EPHA3: variants seen among roughly 807,000 people sequenced by gnomAD.
EPHA3 encodes the protein EPH receptor A3, also known as ephrin type-A receptor 3.
Under a neutral mutation model 107.1 loss-of-function variants are expected in EPHA3, and 42 were observed. The observed-to-expected ratio is 0.39, with a 90% CI of 0.31 to 0.51. The LOEUF (loss-of-function observed/expected upper bound fraction) is 0.51, where lower values mean the gene tolerates loss of function less well. Ranked by LOEUF, EPHA3 falls within the 20% of genes least tolerant of loss-of-function variation. EPHA3 has a pLI of 0.78. For synonymous variants in EPHA3, 461 were observed against 424.8 expected (o/e 1.09, Z -1.05); for missense variants, 1,183 against 1,211.2 (o/e 0.98, Z 0.35).
At chr3:89,347,557 C>G (rs1707700064) in intron 5 of EPHA3, among the ~76,000 whole-genome samples, 1 of 149,168 alleles carries the variant, frequency 6.7e-6, no homozygotes, top group African/African-American at 2.5e-5. Flanking sequence ...ATGTAGTCTG[C>G]AAACAGGGAC....
intron 3 of EPHA3, among the ~76,000 whole-genome samples, chr3:89,301,700 T>C (rs1302307450): frequency 6.6e-6 from 1 of 152,100 alleles, no homozygotes; most frequent in Non-Finnish European, 1.5e-5. Flanking sequence ...GGATACTTAT[T>C]TGGAGTTGCA....
chr3:89,142,865 A>T (rs1182762088), intron 2 of EPHA3, among the ~76,000 whole-genome samples: 1 of 151,420 alleles, frequency 6.6e-6, no homozygotes, highest in African/African-American at 2.4e-5. Context: ...TGCCTTTTCA[A>T]AAAAGAGCAT....
chr3:89,330,251 T>A (rs1707256604), intron 3 of EPHA3, among the ~76,000 whole-genome samples: 1 of 151,946 alleles, frequency 6.6e-6, no homozygotes, highest in African/African-American at 2.4e-5. Flanking sequence ...AAACAGACCC[T>A]AAAATTACAC....
intron 9 of EPHA3, among the ~76,000 whole-genome samples, chr3:89,411,659 G>GT (rs1352104515): frequency 6.6e-6 from 1 of 151,704 alleles, no homozygotes; most frequent in Admixed American, 6.6e-5. Context: ...ATAACCATGG[G>GT]TTTCATGAAG....
intron 2 of EPHA3, among the ~76,000 whole-genome samples, chr3:89,148,768 G>T (rs371518141): frequency 5.9e-5 from 9 of 151,890 alleles, no homozygotes; most frequent in African/African-American, 1.9e-4. Flanking sequence ...GAAACAACTG[G>T]TGAATGCATC....
intron 5 of EPHA3, among the ~76,000 whole-genome samples, chr3:89,391,973 G>T (rs959344438): frequency 2.0e-5 from 3 of 151,694 alleles, no homozygotes; most frequent in African/African-American, 7.3e-5. Flanking sequence ...ACCTTTATAC[G>T]GTTTTAAATT....
intron 5 of EPHA3, among the ~76,000 whole-genome samples, chr3:89,347,920 T>C (rs1025626992): frequency 6.6e-6 from 1 of 151,348 alleles, no homozygotes; most frequent in African/African-American, 2.4e-5. Context: ...ATTACATTTA[T>C]TGATTTGTGT....
intron 5 of EPHA3, among the ~76,000 whole-genome samples, chr3:89,351,003 A>G (rs1490802655): frequency 6.6e-6 from 1 of 151,534 alleles, no homozygotes; most frequent in African/African-American, 2.4e-5. Flanking sequence ...TGTTGGGAGA[A>G]CCACTGCTCT....
At chr3:89,335,641 A>G (rs1707376497) in intron 3 of EPHA3, among the ~76,000 whole-genome samples, 1 of 152,174 alleles carries the variant, frequency 6.6e-6, no homozygotes, top group South Asian at 2.1e-4. Flanking sequence ...CTCATGGATC[A>G]TCTTACTTGA....
chr3:89,114,809 G>A (rs1304939645), intron 1 of EPHA3, among the ~76,000 whole-genome samples: 3 of 152,258 alleles, frequency 2.0e-5, no homozygotes, highest in Non-Finnish European at 4.4e-5. Flanking sequence ...GGCACTGGGA[G>A]AGCACGGCGT....
intron 3 of EPHA3, among the ~76,000 whole-genome samples, chr3:89,224,678 A>C (rs1296648413): frequency 6.6e-6 from 1 of 151,796 alleles, no homozygotes; most frequent in Non-Finnish European, 1.5e-5. Context: ...GTGAAACACT[A>C]TCTCTACTAA....
At chr3:89,438,328 G>T (rs1434340660) in intron 13 of EPHA3, among the ~76,000 whole-genome samples, 9 of 151,924 alleles carry the variant, frequency 5.9e-5, no homozygotes, top group Non-Finnish European at 1.0e-4. Context: ...AGCCAGGATG[G>T]TCTCGATCTC....
chr3:89,364,966 G>A lies in EPHA3; in HGVS notation c.1306+22876G>A, dbSNP rs1708160476. Among the ~76,000 whole-genome samples the A allele has an allele frequency of 2.0e-5, 3 of 150,844 alleles. No individual in the cohort carries two copies. In the South Asian group the frequency reaches 6.2e-4, roughly 31 times the overall value. On this transcript the variant is annotated intron_variant, in intron 5 of 16. Coordinates refer to ENST00000336596, the MANE Select transcript of EPHA3 (RefSeq NM_005233.6). ...CAACTTAATTCCAACAATATTTGTT[G>A]CATACTGTTATGTGACCAACACTGT... is the stretch of plus-strand genomic sequence containing the variant.
intron 3 of EPHA3, among the ~76,000 whole-genome samples, chr3:89,278,421 T>G (rs1424523192): frequency 6.6e-6 from 1 of 152,038 alleles, no homozygotes; most frequent in Non-Finnish European, 1.5e-5. Context: ...CTAACTTCAT[T>G]AAATGAAAAC....
intron 3 of EPHA3, among the ~76,000 whole-genome samples, chr3:89,285,519 T>C (rs1706061667): frequency 6.6e-6 from 1 of 152,212 alleles, no homozygotes; most frequent in Non-Finnish European, 1.5e-5. Context: ...GGTTTGGGGA[T>C]GCAATTTTAA....
chr3:89,237,981 GAAA>G (rs1189913937), intron 3 of EPHA3, among the ~76,000 whole-genome samples: 3 of 110,298 alleles, frequency 2.7e-5, no homozygotes, highest in Admixed American at 9.5e-5. Context: ...CATGTCTCAG[GAAA>G]AAAAAAAAAA....
intron 2 of EPHA3, among the ~76,000 whole-genome samples, chr3:89,189,486 G>A (rs537206149): frequency 6.6e-6 from 1 of 152,254 alleles, no homozygotes; most frequent in Non-Finnish European, 1.5e-5. Flanking sequence ...CCATCTACTT[G>A]GGAGGCTGAG....
Position 89,480,415 on chromosome 3 carries a change from T to G in EPHA3, c.*913T>G, listed in dbSNP as rs2107582566. 4.3e-6 allele frequency: 1 copy of G among 233,316 alleles called. No individual in the cohort carries two copies. The highest frequency in any genetic ancestry group is 2.2e-5 in the African/African-American group (1 of 45,450). 14.5% of individuals were successfully genotyped at this position (233,316 alleles called of 1,614,324 possible). A position where few individuals can be genotyped will look rare whatever the true frequency, so the allele number is the denominator to read the frequency against. On this transcript the variant is annotated 3_prime_UTR_variant, in exon 17 of 17. Transcript: ENST00000336596. ...TTATTATAAACTGTATGCTCACAAC[T>G]TAGTGTAATATACCAGCTTGTATGC... is the stretch of plus-strand genomic sequence containing the variant.
intron 13 of EPHA3, among the ~76,000 whole-genome samples, chr3:89,432,630 T>TA (rs1157313723): frequency 5.3e-5 from 8 of 152,142 alleles, no homozygotes; most frequent in African/African-American, 1.9e-4. Context: ...AAAATATAGA[T>TA]AAAAAACAAG....
Sources: allele counts gnomAD v4.1 joint callset (sites outside exome capture counted in the v4.1 genomes callset), GRCh38; gene constraint gnomAD v4.1.1; transcripts MANE v1.5; gene names NCBI Gene and HGNC (gene_info 2026-07-23, HGNC 2026-07-21).